AGMO: variants seen among roughly 807,000 people sequenced by gnomAD.
AGMO encodes alkylglycerol monooxygenase.
A neutral mutation model predicts 60.2 loss-of-function variants in AGMO; 75 were observed. The ratio of observed to expected loss-of-function variants is 1.25; its 90% confidence interval spans 1.03 to 1.51. The LOEUF (loss-of-function observed/expected upper bound fraction) is 1.51. AGMO is among the 40% of genes most tolerant of loss of function. AGMO has a pLI of 0.00. For missense variants in AGMO, 763 were observed against 525.5 expected, an observed-to-expected ratio of 1.45 and a Z score of -4.42; for synonymous variants, 261 against 177.1, an observed-to-expected ratio of 1.47 and a Z score of -3.76.
chr7:15,377,658 T>G (rs1353407602), intron 10 of AGMO, among the ~76,000 whole-genome samples: 1 of 152,064 alleles, frequency 6.6e-6, no homozygotes, highest in Admixed American at 6.6e-5. Context: ...GTACTCAACA[T>G]TGGTTAGTAT....
At chr7:15,184,295 GAGGCAGGC>G in the AGMO span, among the ~76,000 whole-genome samples, 16 of 55,798 alleles carry the variant, frequency 2.9e-4, no homozygotes, top group African/African-American at 5.5e-4. Context: ...GGAAGGAAGG[GAGGCAGGC>G]AGGGAGGGAG....
chr7:15,196,767 C>T (rs10274730), downstream of AGMO, among the ~76,000 whole-genome samples: 66,619 of 151,938 alleles, frequency 0.44, 14,648 homozygotes, highest in East Asian at 0.55. Context: ...TTGGGGCTTA[C>T]TGCTGTTAAA....
At chr7:15,322,547 A>T (rs1223417636) in intron 12 of AGMO, among the ~76,000 whole-genome samples, 18 of 44,764 alleles carry the variant, frequency 4.0e-4, no homozygotes, top group African/African-American at 9.5e-4. Flanking sequence ...TATATATATA[A>T]ATATATATAA....
intron 12 of AGMO, among the ~76,000 whole-genome samples, chr7:15,229,723 T>A (rs55671653): frequency 8.3e-6 from 1 of 120,170 alleles, no homozygotes; most frequent in Non-Finnish European, 1.6e-5. Context: ...TTATATTATA[T>A]ATAAATTATA....
rs569603158 is a variant in AGMO, at chr7:15,282,322, GAAAA to G, written c.1264-80967_1264-80964del. 8.9e-3 allele frequency among the ~76,000 whole-genome samples: 1,354 copies of G among 151,814 alleles called. 8 individuals are homozygous for G. Among genetic ancestry groups the G allele is most frequent in the Non-Finnish European group, 0.015 (1,002 of 67,908 alleles). On this transcript the variant is annotated intron_variant, in intron 12 of 12. Transcript: ENST00000342526. Reference sequence around the variant, plus strand: ...AAAAATGGAAAACATAAAGAATATAGAAAAATGATTCAGAATATGAATGAAAAAA... The same window carrying G: ...AAAAATGGAAAACATAAAGAATATAGATGATTCAGAATATGAATGAAAAAA...
At chr7:15,254,921 T>A (rs940913137) in intron 12 of AGMO, among the ~76,000 whole-genome samples, 1 of 151,728 alleles carries the variant, frequency 6.6e-6, no homozygotes, top group South Asian at 2.1e-4. Context: ...CAAGAAGAAA[T>A]AGAAAATTTA....
intron 5 of AGMO, among the ~76,000 whole-genome samples, chr7:15,397,924 C>T (rs981872680): frequency 6.6e-6 from 1 of 152,128 alleles, no homozygotes; most frequent in East Asian, 1.9e-4. Context: ...ATATTGCTTT[C>T]TACTTGGTGA....
At chr7:15,430,584 G>A (rs780865292) in intron 4 of AGMO, among the ~76,000 whole-genome samples, 1 of 135,062 alleles carries the variant, frequency 7.4e-6, no homozygotes, top group African/African-American at 2.8e-5. Context: ...CTAGATTTTA[G>A]AGAATTAGTT....
chr7:15,476,721 C>A lies in AGMO; in HGVS notation c.410-45613G>T, dbSNP rs775705862. ...TGTTCGTTAGATTATGTCGGCTGGA[C>A]TTTAAAACATTTTGAAACACATCTC... On this transcript the variant is annotated intron_variant, in intron 3 of 12. Coordinates refer to ENST00000342526, the MANE Select transcript of AGMO (RefSeq NM_001004320.2). Among the ~76,000 whole-genome samples, 14 of 152,158 alleles carry A rather than the reference C, an allele frequency of 9.2e-5. No individual in the cohort carries two copies. The East Asian group carries it at 1.4e-3, about 15-fold the overall frequency.
At chr7:15,255,602 C>T (rs552177488) in intron 12 of AGMO, among the ~76,000 whole-genome samples, 60 of 150,234 alleles carry the variant, frequency 4.0e-4, no homozygotes, top group South Asian at 1.9e-3. Context: ...AACACAGATG[C>T]CGGAATTCTT....
chr7:15,267,549 T>C (rs978282772), intron 12 of AGMO, among the ~76,000 whole-genome samples: 8 of 151,994 alleles, frequency 5.3e-5, no homozygotes, highest in East Asian at 1.9e-4. Context: ...CAGGGACAAA[T>C]TGGATTACAC....
Position 15,542,768 on chromosome 7 carries a change from C to T in AGMO, c.409+2004G>A, listed in dbSNP as rs529039309. On this transcript the variant is annotated intron_variant, in intron 3 of 12. Transcript: ENST00000342526. ...TTAATCATGTTTGATTTTGGAGTAG[C>T]CTTTGCATTTATATATGAGGAAATA... 4.6e-5 allele frequency among the ~76,000 whole-genome samples: 7 copies of T among 152,162 alleles called. No individual in the cohort carries two copies. The South Asian group carries it at 8.3e-4, about 18-fold the overall frequency.
At chr7:15,365,384 A>AAAAAAAAAAAAAAAAAAAAAAAAAAAAAG in intron 12 of AGMO, 130 bp downstream of exon 12, 1 of 420,366 alleles carries the variant, frequency 2.4e-6, no homozygotes, top group Non-Finnish European at 4.2e-6. Flanking sequence ...GGTAAGTAAA[A>AAAAAAAAAAAAAAAAAAAAAAAAAAAAAG]AAAAAAAAAA....
chr7:15,390,135 C>G (rs182992151), intron 8 of AGMO, among the ~76,000 whole-genome samples: 4 of 152,216 alleles, frequency 2.6e-5, no homozygotes, highest in Admixed American at 2.0e-4. Context: ...TGCCAACCAT[C>G]GAGACCAATG....
At chr7:15,512,228 G>A (rs1287847117) in intron 3 of AGMO, among the ~76,000 whole-genome samples, 2 of 152,012 alleles carry the variant, frequency 1.3e-5, no homozygotes, top group Non-Finnish European at 2.9e-5. Flanking sequence ...CAACACTAAT[G>A]ATGATGTCTG....
Position 15,360,275 on chromosome 7 carries a change from G to A in AGMO, c.1263+5239C>T, listed in dbSNP as rs573340868. 3.3e-5 allele frequency among the ~76,000 whole-genome samples: 5 copies of A among 152,216 alleles called. No homozygotes were observed. In the South Asian group the frequency reaches 6.2e-4, roughly 19 times the overall value. ...CAAGCTTCAAAGGAAGTATTACATC[G>A]TTAGCAATAAGTACACTCGACCCTT... is the stretch of plus-strand genomic sequence containing the variant. On this transcript the variant is annotated intron_variant, in intron 12 of 12. Transcript: ENST00000342526.
intron 3 of AGMO, among the ~76,000 whole-genome samples, chr7:15,517,719 C>T (rs890898331): frequency 1.3e-5 from 2 of 152,072 alleles, no homozygotes; most frequent in African/African-American, 4.8e-5. Flanking sequence ...AACTGGGTTT[C>T]AAGCACAAAA....
intron 4 of AGMO, among the ~76,000 whole-genome samples, chr7:15,422,534 G>A (rs1246321618): frequency 6.6e-6 from 1 of 152,076 alleles, no homozygotes; most frequent in Admixed American, 6.6e-5. Flanking sequence ...GAACAGGGAA[G>A]ACCAGAGAAG....
intron 3 of AGMO, among the ~76,000 whole-genome samples, chr7:15,432,028 C>T (rs1025925204): frequency 4.0e-5 from 6 of 151,646 alleles, no homozygotes; most frequent in African/African-American, 1.2e-4. Context: ...ACATTATACT[C>T]TATTCAGTTT....
Sources: allele counts gnomAD v4.1 joint callset (sites outside exome capture counted in the v4.1 genomes callset), GRCh38; gene constraint gnomAD v4.1.1; transcripts MANE v1.5; gene names NCBI Gene and HGNC (gene_info 2026-07-23, HGNC 2026-07-21).